CCT6A: variants seen among roughly 807,000 people sequenced by gnomAD.
CCT6A encodes chaperonin containing TCP1 subunit 6A.
In CCT6A, 6 loss-of-function variants were observed where a neutral mutation model predicts 58.6. That is an observed-to-expected ratio of 0.10 (90% CI 0.06 to 0.20). CCT6A has a LOEUF of 0.20. Ranked by LOEUF, CCT6A falls within the 10% of genes least tolerant of loss-of-function variation. CCT6A has a pLI of 1.00. For missense variants in CCT6A, 516 were observed against 648.8 expected, an observed-to-expected ratio of 0.80 and a Z score of 2.22; for synonymous variants, 245 against 227.8, an observed-to-expected ratio of 1.08 and a Z score of -0.68.
chr7:56,055,325 G>T (rs1794282581), intron 3 of CCT6A: 2 of 407,590 alleles, frequency 4.9e-6, no homozygotes, highest in Non-Finnish European at 9.2e-6. Flanking sequence ...TCTGTGAGTT[G>T]TTGGGACACA....
Position 56,061,655 on chromosome 7 carries a change from CTTTTTCT to C in CCT6A, c.1348-79_1348-73del, listed in dbSNP as rs1262642641. ...AGCCACTGCACCAGGCCGAGATTTT[CTTTTTCT>C]TTTTTCTTTTTTTTTTTTTTTTTTT... On this transcript the variant is annotated intron_variant, in intron 11 of 13. Transcript: ENST00000275603. 27 of 639,858 alleles carry C rather than the reference CTTTTTCT, an allele frequency of 4.2e-5. No individual in the cohort carries two copies. The East Asian group carries it at 6.2e-4, about 15-fold the overall frequency. 39.6% of individuals were successfully genotyped at this position (639,858 alleles called of 1,614,324 possible).
chr7:56,060,167 T>G (rs1794402449), intron 9 of CCT6A, 102 bp from the exon 10 acceptor site: 1 of 972,216 alleles, frequency 1.0e-6, no homozygotes, highest in Non-Finnish European at 1.6e-6. Flanking sequence ...TGATCAAGTT[T>G]GTTCCTTATT....
At chr7:56,057,359 G>GC (rs1794330662) in intron 5 of CCT6A, among the ~76,000 whole-genome samples, 1 of 131,010 alleles carries the variant, frequency 7.6e-6, no homozygotes, top group Non-Finnish European at 1.8e-5. Flanking sequence ...TTTTCCCTTT[G>GC]GGGTGTGTGT....
In CCT6A at chr7:56,063,032, A is replaced by G. The variant is rs200844134; in HGVS notation, c.1543A>G (p.Ile515Val). The G allele has an allele frequency of 1.1e-4, 171 of 1,612,856 alleles. No homozygotes were observed. The highest frequency in any genetic ancestry group is 1.0e-5 in the Non-Finnish European group (12 of 1,178,948). The change falls in exon 14 of 14, where the codon ATT (isoleucine) becomes GTT (valine). Residue 515 changes from isoleucine to valine, a missense_variant. Around this residue, in one of 3 missense-constraint regions of CCT6A, gnomAD observed 315 missense variants for 389.4 expected, o/e 0.81. Transcript: ENST00000275603. The part of the protein sequence containing the change: ...LHSCTVIATN[I>V]LLVDEIMRAG... ...TTTCAGCACTGTGATTGCCACCAAC[A>G]TTCTCTTGGTTGATGAGATCATGCG... is the stretch of plus-strand genomic sequence containing the variant.
At chr7:56,060,112 ATTTCTTT>A in intron 9 of CCT6A, 150 bp from the exon 10 acceptor site, 2 of 625,106 alleles carry the variant, frequency 3.2e-6, no homozygotes, top group Non-Finnish European at 5.6e-6. Context: ...GGAAAATCAC[ATTTCTTT>A]TATGTGATTT....
chr7:56,054,308 C>G (rs1379289039), intron 2 of CCT6A, 61 bp from the exon 3 acceptor site: 1 of 1,416,494 alleles, frequency 7.1e-7, no homozygotes, highest in Non-Finnish European at 9.7e-7. Flanking sequence ...TGCATTTTGT[C>G]TGTGGTATAT....
Position 56,059,591 on chromosome 7 carries a change from T to G in CCT6A, c.1016T>G (p.Leu339Arg). Residue 339 changes from leucine to arginine, a missense_variant, in exon 9 of 14, where the codon CTA (leucine) becomes CGA (arginine). This residue lies in a region of CCT6A where 315 missense variants were observed against 389.4 expected (regional missense o/e 0.81). Transcript: ENST00000275603. ...GTAGCCCTGAATTCTTTTGACGACC[T>G]AAGTCCTGACTGCTTGGGACATGCA... ...GGVALNSFDD[L>R]SPDCLGHAGL... The G allele has an allele frequency of 6.2e-7, 1 of 1,608,530 alleles. No individual in the cohort carries two copies. The highest frequency in any genetic ancestry group is 8.5e-7 in the Non-Finnish European group (1 of 1,174,920).
At chr7:56,052,712 T>G (rs1794176290) in intron 2 of CCT6A, among the ~76,000 whole-genome samples, 1 of 152,158 alleles carries the variant, frequency 6.6e-6, no homozygotes, top group Non-Finnish European at 1.5e-5. Context: ...TTAAAGTTAA[T>G]TATTTTAAAA....
At chr7:56,052,552 G>T (rs1265147689) in intron 2 of CCT6A, 67 bp downstream of exon 2, 7 of 1,302,602 alleles carry the variant, frequency 5.4e-6, no homozygotes, top group Non-Finnish European at 7.8e-6. Flanking sequence ...TTTGTAGAAA[G>T]ATTTGCAGTG....
chr7:56,054,404 G>C lies in CCT6A; in HGVS notation c.237G>C (p.Lys79Asn). 6.2e-7 allele frequency: 1 copy of C among 1,610,452 alleles called. No homozygotes were observed. Among genetic ancestry groups the C allele is most frequent in the Non-Finnish European group, 8.5e-7 (1 of 1,177,938 alleles). The change falls in exon 3 of 14, where the codon AAG becomes AAC. Residue 79 changes from lysine (K) to asparagine (N), a missense_variant. Around this residue, in one of 3 missense-constraint regions of CCT6A, gnomAD observed 116 missense variants for 184.5 expected, o/e 0.63. Transcript: ENST00000275603. ...IQHPTASLIA[K>N]VATAQDDITG... ...ACCCAACAGCTTCCTTAATAGCAAA[G>C]GTAGCAACAGCCCAGGATGATATAA...
Position 56,058,026 on chromosome 7 carries a change from A to G in CCT6A, c.648A>G (p.Ala216=). The G allele has an allele frequency of 1.2e-6, 2 of 1,612,782 alleles. No individual in the cohort carries two copies. The highest frequency in any genetic ancestry group is 8.5e-7 in the Non-Finnish European group (1 of 1,178,838). The change falls in exon 6 of 14, where the codon GCA becomes GCG. Residue 216 remains alanine, a synonymous_variant. Transcript: ENST00000275603. ...GAGGGCTTGTTTTGGACCACGGAGC[A>G]CGGCATCCTGATATGAAGAAAAGGG... ...LIRGLVLDHG[A]RHPDMKKRVE...
At position 56,054,470 on chromosome 7, in the gene CCT6A, G is replaced by A; in HGVS notation, c.303G>A (p.Glu101=). 2.5e-6 allele frequency: 4 copies of A among 1,613,480 alleles called. No individual in the cohort carries two copies. Among genetic ancestry groups the A allele is most frequent in the Non-Finnish European group, 3.4e-6 (4 of 1,179,692 alleles). The change falls in exon 3 of 14, where the codon GAG becomes GAA. Residue 101 remains glutamate (E), a synonymous_variant. Coordinates refer to ENST00000275603, the MANE Select transcript of CCT6A (RefSeq NM_001762.4). ...GTTSNVLIIG[E]LLKQADLYIS... ...CTTCTAATGTCCTAATCATTGGAGA[G>A]CTGCTGAAACAGGCGGATCTCTACA... is the stretch of plus-strand genomic sequence containing the variant.
At chr7:56,062,601 GTCA>G in intron 12 of CCT6A, 79 bp from the exon 13 acceptor site, 1 of 1,117,192 alleles carries the variant, frequency 9.0e-7, no homozygotes, top group Middle Eastern at 2.0e-4. Context: ...GAGGAAATGA[GTCA>G]TCAGTGATAA....
intron 9 of CCT6A, 41 bp downstream of exon 9, chr7:56,059,681 C>T: frequency 1.0e-6 from 1 of 976,494 alleles, no homozygotes; most frequent in Non-Finnish European, 1.7e-6. Flanking sequence ...AACCTTTTAG[C>T]TCGTGAATTA....
At chr7:56,054,783 G>C (rs1263595292) in intron 3 of CCT6A, among the ~76,000 whole-genome samples, 2 of 152,086 alleles carry the variant, frequency 1.3e-5, no homozygotes, top group Admixed American at 6.6e-5. Context: ...GGAATGTTTA[G>C]GACTAGGCAT....
intron 11 of CCT6A, among the ~76,000 whole-genome samples, chr7:56,061,160 AT>A (rs1794423005): frequency 6.6e-6 from 1 of 152,168 alleles, no homozygotes; most frequent in East Asian, 1.9e-4. Context: ...CTGTAGTTTA[AT>A]ATTTGCAGTA....
rs1344019505 is a variant in CCT6A, at chr7:56,051,881, C to G, written c.33C>G (p.Ala11=). 3.8e-6 allele frequency: 6 copies of G among 1,558,770 alleles called. No homozygotes were observed. The highest frequency in any genetic ancestry group is 5.2e-6 in the Non-Finnish European group (6 of 1,151,956). MAAVKTLNPK[A]EVARAQAALA... ...CGGTGAAGACCCTGAACCCCAAGGC[C>G]GAGGTGGCCCGAGCGCAGGCGGCGC... Residue 11 remains alanine (A), a synonymous_variant, in exon 1 of 14, where the codon GCC becomes GCG. Transcript: ENST00000275603.
At chr7:56,060,705 T>C (rs1794415139) in intron 10 of CCT6A, 102 bp from the exon 11 acceptor site, 1 of 1,410,804 alleles carries the variant, frequency 7.1e-7, no homozygotes, top group Non-Finnish European at 9.8e-7. Context: ...TATTTTGTCA[T>C]AGTAAATTTG....
intron 1 of CCT6A, 52 bp from the exon 2 acceptor site, chr7:56,052,370 T>A: frequency 6.5e-7 from 1 of 1,530,824 alleles, no homozygotes; most frequent in Admixed American, 1.7e-5. Flanking sequence ...AATGGGACTT[T>A]TAGTTATCGT....
Sources: allele counts gnomAD v4.1 joint callset (sites outside exome capture counted in the v4.1 genomes callset), GRCh38; gene constraint gnomAD v4.1.1; regional missense constraint gnomAD v4.1.1; transcripts MANE v1.5; gene names NCBI Gene and HGNC (gene_info 2026-07-23, HGNC 2026-07-21).